NUBPL: variants seen among roughly 807,000 people sequenced by gnomAD.
NUBPL encodes the protein iron-sulfur cluster transfer protein NUBPL.
In NUBPL, 31 loss-of-function variants were observed where a neutral mutation model predicts 45.7. The observed-to-expected ratio is 0.68, with a 90% CI of 0.51 to 0.92. The LOEUF (loss-of-function observed/expected upper bound fraction) is 0.92, where lower values mean the gene tolerates loss of function less well. Ranked by LOEUF, NUBPL falls within the 40% of genes least tolerant of loss-of-function variation. NUBPL has a pLI of 0.00. For synonymous variants in NUBPL, 144 were observed against 140.9 expected, an observed-to-expected ratio of 1.02 and a Z score of -0.15; for missense variants, 401 against 398.7, an observed-to-expected ratio of 1.01 and a Z score of -0.05.
chr14:31,691,112 C>G (rs1009661438), intron 6 of NUBPL, among the ~76,000 whole-genome samples: 3 of 152,138 alleles, frequency 2.0e-5, no homozygotes, highest in Non-Finnish European at 4.4e-5. Context: ...ATACTGAGCC[C>G]CCTAAGTACT....
chr14:31,650,465 A>G (rs1028816174), intron 4 of NUBPL, among the ~76,000 whole-genome samples: 3 of 151,762 alleles, frequency 2.0e-5, no homozygotes, highest in African/African-American at 4.8e-5. Context: ...AATTTTTTGT[A>G]TTTTTAGTAG....
intron 6 of NUBPL, among the ~76,000 whole-genome samples, chr14:31,690,875 C>T (rs760015263): frequency 7.9e-5 from 12 of 152,088 alleles, no homozygotes; most frequent in Non-Finnish European, 1.0e-4. Flanking sequence ...CAGTGCCAGA[C>T]GATGAGGAAG....
intron 4 of NUBPL, among the ~76,000 whole-genome samples, chr14:31,669,798 TTTTTTTTTTTG>T (rs1361189134): frequency 0.019 from 327 of 17,574 alleles, 4 homozygotes; most frequent in Non-Finnish European, 0.036. Context: ...ATGATCTTGG[TTTTTTTTTTTG>T]TTTTTTTTTT....
chr14:31,805,824 T>C (rs867477107), intron 7 of NUBPL, among the ~76,000 whole-genome samples: 1 of 151,490 alleles, frequency 6.6e-6, no homozygotes, highest in Admixed American at 6.6e-5. Flanking sequence ...AATACGTGGG[T>C]GATGAAATAA....
intron 6 of NUBPL, among the ~76,000 whole-genome samples, chr14:31,712,345 C>T (rs953586360): frequency 3.3e-5 from 5 of 152,260 alleles, no homozygotes; most frequent in African/African-American, 1.2e-4. Context: ...CAGGACTTTG[C>T]AGCACCTAGC....
At chr14:31,840,958 T>C (rs1189480889) in intron 8 of NUBPL, among the ~76,000 whole-genome samples, 2 of 152,216 alleles carry the variant, frequency 1.3e-5, no homozygotes, top group African/African-American at 4.8e-5. Context: ...TGTTATACGT[T>C]TGTGTGTCCG....
intron 6 of NUBPL, among the ~76,000 whole-genome samples, chr14:31,753,974 A>G (rs934635821): frequency 6.6e-6 from 1 of 152,208 alleles, no homozygotes; most frequent in Admixed American, 6.5e-5. Context: ...TGTTCTCTCT[A>G]CAAAAAATGG....
chr14:31,631,319 G>T (rs192334022), intron 4 of NUBPL, among the ~76,000 whole-genome samples: 51 of 152,132 alleles, frequency 3.4e-4, no homozygotes, highest in African/African-American at 1.1e-3. Flanking sequence ...TCCATTTATA[G>T]CTGTTACTTT....
At chr14:31,603,299 G>GAAAAAAAAAAA (rs529470069) in intron 4 of NUBPL, among the ~76,000 whole-genome samples, 7 of 56,812 alleles carry the variant, frequency 1.2e-4, no homozygotes, top group East Asian at 6.1e-4. Flanking sequence ...GATCCTGTCT[G>GAAAAAAAAAAA]AAAAAAAAAA....
At chr14:31,702,217 T>A (rs1371356781) in intron 6 of NUBPL, among the ~76,000 whole-genome samples, 3 of 152,204 alleles carry the variant, frequency 2.0e-5, no homozygotes, top group Non-Finnish European at 4.4e-5. Context: ...TCAGAATCAG[T>A]CTGTTAGTCT....
At chr14:31,649,176 A>G (rs922513670) in intron 4 of NUBPL, among the ~76,000 whole-genome samples, 10 of 152,212 alleles carry the variant, frequency 6.6e-5, no homozygotes, top group Non-Finnish European at 1.5e-4. Flanking sequence ...AAGATGTAAA[A>G]TAATTTGGTT....
intron 7 of NUBPL, among the ~76,000 whole-genome samples, chr14:31,816,564 T>G (rs2039921435): frequency 6.6e-6 from 1 of 152,148 alleles, no homozygotes; most frequent in Admixed American, 6.5e-5. Context: ...TTTCTTGTCT[T>G]CTGCTAGCTT....
chr14:31,816,687 A>G (rs889802860), intron 7 of NUBPL, among the ~76,000 whole-genome samples: 1 of 152,152 alleles, frequency 6.6e-6, no homozygotes, highest in Non-Finnish European at 1.5e-5. Flanking sequence ...ATTTCCCTCT[A>G]AACACCACTT....
At chr14:31,626,908 C>T (rs768609272) in intron 4 of NUBPL, among the ~76,000 whole-genome samples, 19 of 151,524 alleles carry the variant, frequency 1.3e-4, no homozygotes, top group Non-Finnish European at 2.5e-4. Context: ...AACCACATTT[C>T]AGGGACATTG....
intron 7 of NUBPL, among the ~76,000 whole-genome samples, chr14:31,808,995 G>T (rs1388275668): frequency 6.6e-6 from 1 of 152,170 alleles, no homozygotes; most frequent in Non-Finnish European, 1.5e-5. Flanking sequence ...TAAGCTTTTT[G>T]ATGTGCTGCT....
chr14:31,712,405 C>T (rs935983423), intron 6 of NUBPL, among the ~76,000 whole-genome samples: 11 of 152,248 alleles, frequency 7.2e-5, no homozygotes, highest in African/African-American at 2.4e-4. Context: ...TCAAGCCCAG[C>T]AGGCACTGGC....
chr14:31,814,635 C>A (rs1432938880), intron 7 of NUBPL, among the ~76,000 whole-genome samples: 1 of 151,656 alleles, frequency 6.6e-6, no homozygotes, highest in East Asian at 1.9e-4. Flanking sequence ...GAATGGTATT[C>A]CCTAGGTTTT....
At chr14:31,804,431 T>G (rs2039646999) in intron 7 of NUBPL, among the ~76,000 whole-genome samples, 1 of 152,202 alleles carries the variant, frequency 6.6e-6, no homozygotes, top group African/African-American at 2.4e-5. Context: ...GATTCTTATT[T>G]AATCAGCTTT....
intron 6 of NUBPL, among the ~76,000 whole-genome samples, chr14:31,771,218 CT>C (rs959420706): frequency 7.9e-5 from 12 of 152,014 alleles, no homozygotes; most frequent in African/African-American, 2.9e-4. Context: ...TCCATGGTAA[CT>C]AGGATACTTG....
Sources: allele counts gnomAD v4.1 joint callset (sites outside exome capture counted in the v4.1 genomes callset), GRCh38; gene constraint gnomAD v4.1.1; transcripts MANE v1.5; gene names NCBI Gene and HGNC (gene_info 2026-07-23, HGNC 2026-07-21).